DOCK9: variants seen among roughly 807,000 people sequenced by gnomAD.
The protein encoded by DOCK9 is dedicator of cytokinesis 9, also known as dedicator of cytokinesis protein 9.
Under a neutral mutation model 263.3 loss-of-function variants are expected in DOCK9, and 89 were observed. The ratio of observed to expected loss-of-function variants is 0.34; its 90% CI spans 0.28 to 0.40. The LOEUF (loss-of-function observed/expected upper bound fraction) is 0.40, where lower values mean the gene tolerates loss of function less well. Ranked by LOEUF, DOCK9 falls within the 10% of genes least tolerant of loss-of-function variation. The pLI is 1.00. For missense variants in DOCK9, 2,140 were observed against 2,603.4 expected (o/e 0.82, Z 3.87); for synonymous variants, 976 against 973.1 (o/e 1.00, Z -0.06).
upstream of DOCK9, among the ~76,000 whole-genome samples, chr13:98,979,377 T>C (rs1353403524): frequency 4.6e-5 from 7 of 152,042 alleles, no homozygotes; most frequent in Non-Finnish European, 7.4e-5. Flanking sequence ...TCTCCCACTT[T>C]CCAGACAAAG....
intron 36 of DOCK9, 114 bp downstream of exon 36, chr13:98,849,933 T>G (rs2141478539): frequency 1.4e-6 from 1 of 732,920 alleles, no homozygotes; most frequent in Non-Finnish European, 2.3e-6. Context: ...GCTTAAGGAG[T>G]AAGTGAGGAT....
chr13:98,907,835 C>G (rs1566932590), intron 9 of DOCK9, among the ~76,000 whole-genome samples: 1 of 152,048 alleles, frequency 6.6e-6, no homozygotes, highest in African/African-American at 2.4e-5. Context: ...GGACTTTGCC[C>G]CAGAGTCAGG....
chr13:98,960,493 T>G (rs1160542149), intron 1 of DOCK9, among the ~76,000 whole-genome samples: 1 of 152,190 alleles, frequency 6.6e-6, no homozygotes. Context: ...TCCTTATCTG[T>G]GAACATTCAT....
chr13:98,956,337 CG>C (rs1319928654), intron 1 of DOCK9, among the ~76,000 whole-genome samples: 1 of 152,176 alleles, frequency 6.6e-6, no homozygotes, highest in Non-Finnish European at 1.5e-5. Flanking sequence ...GTTTATGGCT[CG>C]CTTTCCACAT....
At chr13:99,022,347 T>A (rs562631903) in intron 1 of DOCK9, among the ~76,000 whole-genome samples, 101 of 152,302 alleles carry the variant, frequency 6.6e-4, no homozygotes, top group African/African-American at 2.3e-3. Context: ...ACGTAAAATA[T>A]TGGAGTCAGG....
At chr13:98,845,221 T>C (rs1168543837) in intron 38 of DOCK9, 7 of 691,428 alleles carry the variant, frequency 1.0e-5, no homozygotes, top group Non-Finnish European at 1.5e-5. Flanking sequence ...GAATCTCTTT[T>C]GTAAAGTTAG....
At chr13:99,042,874 A>G (rs1888594271) in intron 1 of DOCK9, among the ~76,000 whole-genome samples, 1 of 152,130 alleles carries the variant, frequency 6.6e-6, no homozygotes, top group East Asian at 1.9e-4. Context: ...AATAGCCCCA[A>G]ACAGGCAGAT....
chr13:98,811,574 C>T (rs1302036325), intron 45 of DOCK9, among the ~76,000 whole-genome samples: 2 of 152,132 alleles, frequency 1.3e-5, no homozygotes, highest in African/African-American at 4.8e-5. Context: ...ACATGCCCCA[C>T]TAATTTTTTG....
intron 1 of DOCK9, among the ~76,000 whole-genome samples, chr13:99,056,140 T>C (rs762728671): frequency 2.0e-5 from 3 of 152,228 alleles, no homozygotes; most frequent in Non-Finnish European, 2.9e-5. Context: ...CCTGGAAATA[T>C]ATATTTTTTT....
At chr13:99,084,508 A>G (rs1213058541) in intron 1 of DOCK9, among the ~76,000 whole-genome samples, 1 of 152,224 alleles carries the variant, frequency 6.6e-6, no homozygotes, top group African/African-American at 2.4e-5. Flanking sequence ...CTACTAAAGT[A>G]TCATGAGATA....
At chr13:99,059,078 C>G (rs542578700) in intron 1 of DOCK9, among the ~76,000 whole-genome samples, 167 of 152,270 alleles carry the variant, frequency 1.1e-3, no homozygotes, top group African/African-American at 3.9e-3. Flanking sequence ...GTGAGGGACC[C>G]ACTCCTCATC....
intron 18 of DOCK9, 44 bp from the exon 19 acceptor site, chr13:98,886,668 G>T: frequency 6.4e-7 from 1 of 1,566,740 alleles, no homozygotes; most frequent in Non-Finnish European, 8.8e-7. Flanking sequence ...GTTCGATTAA[G>T]TAAGAAATTA....
chr13:99,051,406 G>C (rs1233015525), intron 1 of DOCK9, among the ~76,000 whole-genome samples: 1 of 152,042 alleles, frequency 6.6e-6, no homozygotes, highest in Non-Finnish European at 1.5e-5. Flanking sequence ...TCTTCACCGA[G>C]GGCTTGGGGC....
At chr13:99,079,356 A>C (rs984216462) in intron 1 of DOCK9, among the ~76,000 whole-genome samples, 1 of 151,990 alleles carries the variant, frequency 6.6e-6, no homozygotes, top group African/African-American at 2.4e-5. Flanking sequence ...AAGCTTCAAG[A>C]CTCAGCCCCC....
intron 4 of DOCK9, 136 bp from the exon 5 acceptor site, chr13:98,923,507 A>C (rs2052418261): frequency 4.2e-6 from 3 of 721,950 alleles, no homozygotes; most frequent in Middle Eastern, 2.4e-4. Flanking sequence ...ACAAAGAATA[A>C]AACCATCTAT....
intron 15 of DOCK9, among the ~76,000 whole-genome samples, chr13:98,894,364 A>C (rs2047067162): frequency 6.6e-6 from 1 of 152,222 alleles, no homozygotes; most frequent in South Asian, 2.1e-4. Context: ...TCCCTCAGAG[A>C]TAACCATGAT....
chr13:98,936,793 G>C (rs2054923582), intron 2 of DOCK9, among the ~76,000 whole-genome samples: 1 of 152,170 alleles, frequency 6.6e-6, no homozygotes, highest in African/African-American at 2.4e-5. Flanking sequence ...TATAGCATGA[G>C]TGAGCACTCT....
Position 98,888,472 on chromosome 13 carries a change from T to C in DOCK9, c.1865A>G (p.Glu622Gly), listed in dbSNP as rs201435106. The part of the protein sequence containing the change: ...CSKTPITFEV[E>G]EFVPCIPKHT... ...TTTTGGTATGCAGGGCACAAATTCC[T>C]CCACTTCAAACGTGATGGGAGTTTT... The change falls in exon 17 of 53, where the codon GAG (glutamate) becomes GGG (glycine). Residue 622 changes from glutamate to glycine, a missense_variant. Transcript: ENST00000682017. The C allele has an allele frequency of 2.7e-5, 43 of 1,613,858 alleles. No homozygotes were observed. The highest frequency in any genetic ancestry group is 2.9e-5 in the Non-Finnish European group (34 of 1,179,880).
Position 98,829,360 on chromosome 13 carries a change from T to C in DOCK9, c.4912A>G (p.Thr1638Ala), listed in dbSNP as rs758451977. ...ATCCTGGCCATGCTGTCGAGCCACG[T>C]CTTCCTGAGCTCGGGCGTGCTGGCA... ...SYASTPELRK[T>A]WLDSMARIHV... The change falls in exon 43 of 53, where the codon ACG becomes GCG. Residue 1638 changes from threonine (T) to alanine (A), a missense_variant. This residue lies in a region of DOCK9 where 619 missense variants were observed against 861.8 expected (regional missense o/e 0.72). Coordinates refer to ENST00000682017, the MANE Select transcript of DOCK9 (RefSeq NM_001366683.2). This position sits in a 1 kb window ranked among gnomAD's most constrained non-coding sequence, Gnocchi z 4.1. The C allele has an allele frequency of 6.2e-7, 1 of 1,613,662 alleles. No individual in the cohort carries two copies. Among genetic ancestry groups the C allele is most frequent in the Admixed American group, 1.7e-5 (1 of 59,978 alleles).
Sources: gnomAD v4.1 joint callset for allele counts (sites outside exome capture counted in the v4.1 genomes callset) on GRCh38, gnomAD v4.1.1 for gene constraint, gnomAD v4.1.1 regional missense constraint, Gnocchi (gnomAD v3.1) non-coding constraint, MANE v1.5 for transcripts, NCBI Gene and HGNC (gene_info 2026-07-23, HGNC 2026-07-21) for gene names.